ST3GAL4: variants seen among roughly 807,000 people sequenced by gnomAD.
The protein encoded by ST3GAL4 is CMP-N-acetylneuraminate-beta-galactosamide-alpha-2,3-sialyltransferase 4.
ST3GAL4 carries 24 observed loss-of-function variants against 42.6 expected under a neutral mutation model. The observed-to-expected ratio is 0.56, with a 90% CI of 0.41 to 0.79. The LOEUF (loss-of-function observed/expected upper bound fraction) is 0.79, where lower values mean the gene tolerates loss of function less well. Among genes scored for constraint, ST3GAL4 ranks in the 30% least tolerant of loss-of-function variants. ST3GAL4 has a pLI of 0.00. For synonymous variants in ST3GAL4, 135 were observed against 163.2 expected, an observed-to-expected ratio of 0.83 and a Z score of 1.32; for missense variants, 311 against 430.8, an observed-to-expected ratio of 0.72 and a Z score of 2.46.
At chr11:126,357,201 C>T (rs1202472439) in intron 1 of ST3GAL4, among the ~76,000 whole-genome samples, 2 of 152,116 alleles carry the variant, frequency 1.3e-5, no homozygotes, top group East Asian at 1.9e-4. Context: ...CTGCTCCTGG[C>T]CCACTCCCAG....
intron 1 of ST3GAL4, among the ~76,000 whole-genome samples, chr11:126,356,633 T>C (rs1172579986): frequency 6.6e-6 from 1 of 152,232 alleles, no homozygotes. Context: ...AGGGCCTGGC[T>C]TAAGGGAACT....
intron 1 of ST3GAL4, among the ~76,000 whole-genome samples, chr11:126,372,542 G>A (rs1370725245): frequency 6.6e-6 from 1 of 151,278 alleles, no homozygotes; most frequent in Admixed American, 6.6e-5. Flanking sequence ...TCAGCTTCCC[G>A]AGTAGCTGGG....
rs1487174005 is a variant in ST3GAL4, at chr11:126,397,555, C to T, written c.-60-8541C>T. On this transcript the variant is annotated intron_variant, in intron 1 of 10. Coordinates refer to ENST00000444328, the MANE Select transcript of ST3GAL4 (RefSeq NM_001254757.2). The surrounding 1 kb of genome is among the most constrained non-coding windows in gnomAD (Gnocchi z 5.0). ...TCGTAGGAGAGGAACCATTTCAGCC[C>T]GATATTACCAGAGTGGGATGGTCCC... Among the ~76,000 whole-genome samples, 7 of 152,046 alleles carry T rather than the reference C, an allele frequency of 4.6e-5. No individual in the cohort carries two copies. Among genetic ancestry groups the T allele is most frequent in the East Asian group, 1.9e-4 (1 of 5,184 alleles).
rs568777411 is a variant in ST3GAL4 at position 126,375,666 on chromosome 11, G to T, written c.-61+19824G>T. Among the ~76,000 whole-genome samples, 4 of 152,260 alleles carry T rather than the reference G, an allele frequency of 2.6e-5. No individual in the cohort carries two copies. The South Asian group carries it at 8.3e-4, about 32-fold the overall frequency. On this transcript the variant is annotated intron_variant, in intron 1 of 10. Transcript: ENST00000444328. ...CTTGCACAGCCCTTAGAAGCATCTA[G>T]CACAGTGGTCCTCAGCATTTGGAAA...
intron 1 of ST3GAL4, among the ~76,000 whole-genome samples, chr11:126,381,330 A>G (rs1952994177): frequency 3.3e-5 from 5 of 152,146 alleles, no homozygotes; most frequent in Non-Finnish European, 7.4e-5. Context: ...CAGGATGGAG[A>G]AAATGGGCAC....
intron 4 of ST3GAL4, 47 bp downstream of exon 4, chr11:126,407,070 T>A: frequency 6.3e-7 from 1 of 1,582,372 alleles, no homozygotes; most frequent in Non-Finnish European, 8.7e-7. Context: ...TGGAGCGAGC[T>A]GGGATTGAGG....
intron 1 of ST3GAL4, among the ~76,000 whole-genome samples, chr11:126,368,365 C>T (rs140895675): frequency 6.6e-6 from 1 of 152,372 alleles, no homozygotes; most frequent in East Asian, 1.9e-4. Context: ...TGCCATGCCA[C>T]AGTGTCCAAG....
rs1953883619 is a variant in ST3GAL4 at position 126,398,793 on chromosome 11, A to G, written c.-60-7303A>G. 6.6e-6 allele frequency among the ~76,000 whole-genome samples: 1 copy of G among 152,032 alleles called. No individual in the cohort carries two copies. The highest frequency in any genetic ancestry group is 2.1e-4 in the South Asian group (1 of 4,820). On this transcript the variant is annotated intron_variant, in intron 1 of 10. Coordinates refer to ENST00000444328, the MANE Select transcript of ST3GAL4 (RefSeq NM_001254757.2). The surrounding 1 kb of genome is among the most constrained non-coding windows in gnomAD (Gnocchi z 4.7). ...TAGGACCATGTGGGATGCCACCAAG[A>G]CTCACCACTTGCACCTTCTAGAATG...
Position 126,408,143 on chromosome 11 carries a change from T to C in ST3GAL4, c.386T>C (p.Leu129Pro). 6.2e-7 allele frequency: 1 copy of C among 1,614,144 alleles called. No individual in the cohort carries two copies. Among genetic ancestry groups the C allele is most frequent in the Non-Finnish European group, 8.5e-7 (1 of 1,180,026 alleles). ...RCVVVGNGHR[L>P]RNSSLGDAIN... is the part of the protein sequence containing the mutation. The stretch of plus-strand genomic sequence containing the variant: ...GTGGTCGTGGGGAACGGGCACCGGC[T>C]GCGGAACAGCTCACTGGGAGATGCC... Residue 129 changes from leucine to proline, a missense_variant, in exon 7 of 11, where the codon CTG becomes CCG. By Grantham distance (98) the Leu-to-Pro change is moderately conservative. Transcript: ENST00000444328.
chr11:126,371,444 T>G (rs1276905240), intron 1 of ST3GAL4, among the ~76,000 whole-genome samples: 1 of 152,164 alleles, frequency 6.6e-6, no homozygotes, highest in Admixed American at 6.5e-5. Context: ...ATTATAGGCG[T>G]GAGCCACCGC....
intron 1 of ST3GAL4, among the ~76,000 whole-genome samples, chr11:126,357,336 T>A (rs1236231401): frequency 6.6e-6 from 1 of 152,162 alleles, no homozygotes; most frequent in African/African-American, 2.4e-5. Context: ...GACTCCAAGA[T>A]GGTAACCGAG....
At chr11:126,370,172 G>A (rs1435997639) in intron 1 of ST3GAL4, among the ~76,000 whole-genome samples, 2 of 152,188 alleles carry the variant, frequency 1.3e-5, no homozygotes, top group Non-Finnish European at 2.9e-5. Context: ...TGGCACGGAA[G>A]CCCCGGGGTA....
In ST3GAL4 at chr11:126,406,396, G is replaced by C. The variant is rs553463181; in HGVS notation, c.17-77G>C. 1.2e-6 allele frequency: 2 copies of C among 1,609,052 alleles called. No homozygotes were observed. The highest frequency in any genetic ancestry group is 8.5e-7 in the Non-Finnish European group (1 of 1,177,878). ...AGTTAGGGGTCGGAGGGACTCAGAA[G>C]GGGGCAGGTGGGAAGGTGGACGGGG... is the stretch of plus-strand genomic sequence containing the variant. On this transcript the variant is annotated intron_variant, in intron 2 of 10. Coordinates refer to ENST00000444328, the MANE Select transcript of ST3GAL4 (RefSeq NM_001254757.2). The surrounding 1 kb of genome is among the most constrained non-coding windows in gnomAD (Gnocchi z 5.4).
Position 126,383,427 on chromosome 11 carries a change from A to G in ST3GAL4, c.-60-22669A>G, listed in dbSNP as rs1215177626. On this transcript the variant is annotated intron_variant, in intron 1 of 10. Coordinates refer to ENST00000444328, the MANE Select transcript of ST3GAL4 (RefSeq NM_001254757.2). This position sits in a 1 kb window ranked among gnomAD's most constrained non-coding sequence, Gnocchi z 4.5. ...AACCCACTGGGCCTGAGGGAGGTAG[A>G]GCAGCAGCAGCAGCAGCTGAGCCCA... Among the ~76,000 whole-genome samples, 1 of 151,026 alleles carries G rather than the reference A, an allele frequency of 6.6e-6. No individual in the cohort carries two copies. The highest frequency in any genetic ancestry group is 2.4e-5 in the African/African-American group (1 of 41,350).
intron 1 of ST3GAL4, among the ~76,000 whole-genome samples, chr11:126,357,008 G>GT (rs1348953944): frequency 6.6e-6 from 1 of 152,234 alleles, no homozygotes; most frequent in East Asian, 1.9e-4. Flanking sequence ...TGCACGGAGG[G>GT]AGAGCTGTAT....
chr11:126,391,941 GT>G lies in ST3GAL4; in HGVS notation c.-60-14154del, dbSNP rs1953532427. 8.2e-6 allele frequency among the ~76,000 whole-genome samples: 1 copy of G among 122,588 alleles called. No homozygotes were observed. Among genetic ancestry groups the G allele is most frequent in the Non-Finnish European group, 1.8e-5 (1 of 55,302 alleles). The allele number at this position is 122,588 out of a possible 152,430, so 80.4% of individuals were successfully genotyped here. A position where few individuals can be genotyped will look rare whatever the true frequency, so the allele number is the denominator to read the frequency against. On this transcript the variant is annotated intron_variant, in intron 1 of 10. Coordinates refer to ENST00000444328, the MANE Select transcript of ST3GAL4 (RefSeq NM_001254757.2). The surrounding 1 kb of genome is among the most constrained non-coding windows in gnomAD (Gnocchi z 5.5). ...AACACCTGTGATAACTTGGTCGTGT[GT>G]GTGTGTGTGTGTGTGTGTGTGTGTG...
At chr11:126,404,563 AC>A (rs1283216334) in intron 1 of ST3GAL4, among the ~76,000 whole-genome samples, 6 of 152,162 alleles carry the variant, frequency 3.9e-5, no homozygotes, top group African/African-American at 1.4e-4. Flanking sequence ...GTAGGGAACG[AC>A]TCAGAGATTG....
chr11:126,387,152 A>G (rs1028305207), intron 1 of ST3GAL4, among the ~76,000 whole-genome samples: 11 of 152,158 alleles, frequency 7.2e-5, no homozygotes, highest in Non-Finnish European at 1.5e-5. Context: ...CCATTTCAGT[A>G]ATTGTCTTTG....
Position 126,406,890 on chromosome 11 carries a change from TG to T in ST3GAL4, c.102-50del. On this transcript the variant is annotated intron_variant, in intron 3 of 10. Coordinates refer to ENST00000444328, the MANE Select transcript of ST3GAL4 (RefSeq NM_001254757.2). This position sits in a 1 kb window ranked among gnomAD's most constrained non-coding sequence, Gnocchi z 5.4. ...GAGAAGGCTTAGGCTGCCTGGAACA[TG>T]GGTCCCTGGGTCTGACTGGGGCTTC... The T allele has an allele frequency of 6.6e-7, 1 of 1,513,680 alleles. No individual in the cohort carries two copies. The highest frequency in any genetic ancestry group is 9.2e-7 in the Non-Finnish European group (1 of 1,090,716). 93.8% of individuals were successfully genotyped at this position (1,513,680 alleles called of 1,614,324 possible). A position where few individuals can be genotyped will look rare whatever the true frequency, so the allele number is the denominator to read the frequency against.
Sources: gnomAD v4.1 joint callset for allele counts (sites outside exome capture counted in the v4.1 genomes callset) on GRCh38, gnomAD v4.1.1 for gene constraint, Gnocchi (gnomAD v3.1) non-coding constraint, MANE v1.5 for transcripts, NCBI Gene and HGNC (gene_info 2026-07-23, HGNC 2026-07-21) for gene names.